Variants in GFRA1 observed in about 807,000 individuals in gnomAD.
The protein encoded by GFRA1 is GDNF family receptor alpha 1, also known as GDNF family receptor alpha-1.
In GFRA1, 16 loss-of-function variants were observed where a neutral mutation model predicts 51.6. The ratio of observed to expected loss-of-function variants is 0.31; its 90% CI spans 0.21 to 0.47. The LOEUF (loss-of-function observed/expected upper bound fraction) is 0.47, where lower values mean the gene tolerates loss of function less well. GFRA1 is among the 20% of genes least tolerant of loss of function. The probability of loss-of-function intolerance (pLI) is 1.00; values close to 1 mark genes in which losing one functional copy is unlikely to be tolerated. For synonymous variants in GFRA1, 270 were observed against 241.3 expected, an observed-to-expected ratio of 1.12 and a Z score of -1.10; for missense variants, 530 against 594.3, an observed-to-expected ratio of 0.89 and a Z score of 1.13.
In GFRA1 at chr10:116,061,805, T is replaced by C. The variant is rs1271475441; in HGVS notation, c.*2593A>G. 1.0e-5 allele frequency: 4 copies of C among 395,088 alleles called. No individual in the cohort carries two copies. Among genetic ancestry groups the C allele is most frequent in the Admixed American group, 8.8e-5 (2 of 22,626 alleles). The allele number at this position is 395,088 out of a possible 1,614,324, so 24.5% of individuals were successfully genotyped here. A position where few individuals can be genotyped will look rare whatever the true frequency, so the allele number is the denominator to read the frequency against. On this transcript the variant is annotated 3_prime_UTR_variant, in exon 11 of 11. Transcript: ENST00000355422. ...TGAGACAGGTAAATGATTTAACTTA[T>C]TGTGCTCCAGTTCTGGGGCAAATGA... is the stretch of plus-strand genomic sequence containing the variant.
Position 116,058,741 on chromosome 10 carries a change from G to C in GFRA1, c.*5657C>G, listed in dbSNP as rs138639112. 2 of 152,198 alleles carry C rather than the reference G, an allele frequency of 1.3e-5. No homozygotes were observed. Among genetic ancestry groups the C allele is most frequent in the African/African-American group, 4.8e-5 (2 of 41,438 alleles). The allele number at this position is 152,198 out of a possible 1,614,324, so 9.4% of individuals were successfully genotyped here. On this transcript the variant is annotated 3_prime_UTR_variant, in exon 11 of 11. Transcript: ENST00000355422. ...TCAGCTCCAAATGCTGGTTTATTCC[G>C]TCAGAGTACTCACTCAGTAAACGTG...
At chr10:116,201,679 G>A (rs1324000354) in intron 5 of GFRA1, among the ~76,000 whole-genome samples, 1 of 152,018 alleles carries the variant, frequency 6.6e-6, no homozygotes, top group East Asian at 1.9e-4. Context: ...ACCAGGCTTG[G>A]GTCTCCAGTG....
intron 8 of GFRA1, among the ~76,000 whole-genome samples, chr10:116,092,082 T>TATAC (rs1956363950): frequency 3.0e-5 from 4 of 132,228 alleles, no homozygotes; most frequent in Non-Finnish European, 4.9e-5. Context: ...AAAGAGGAAA[T>TATAC]ATACATACAT....
Position 116,238,291 on chromosome 10 carries a change from A to G in GFRA1, c.419-26646T>C, listed in dbSNP as rs115739845. Among the ~76,000 whole-genome samples, 1,242 of 152,150 alleles carry G rather than the reference A, an allele frequency of 8.2e-3. 21 individuals carry two copies. The highest frequency in any genetic ancestry group is 0.028 in the African/African-American group (1,174 of 41,500). On this transcript the variant is annotated intron_variant, in intron 4 of 10. Transcript: ENST00000355422. ...CCGCCTGCCAGGTAACCTCCCAGTG[A>G]CCTCGCAAGGTATCAGAAAGGTTTT... is the stretch of plus-strand genomic sequence containing the variant.
intron 4 of GFRA1, among the ~76,000 whole-genome samples, chr10:116,254,756 C>G (rs367608530): frequency 6.6e-6 from 1 of 152,188 alleles, no homozygotes; most frequent in African/African-American, 2.4e-5. Context: ...GCTGGCAATG[C>G]CTATTTTCCT....
rs1225057188 is a variant in GFRA1, at chr10:116,093,307, C to G, written c.1015+395G>C. 3.9e-5 allele frequency among the ~76,000 whole-genome samples: 6 copies of G among 152,326 alleles called. No homozygotes were observed. The East Asian group carries it at 1.2e-3, about 29-fold the overall frequency. On this transcript the variant is annotated intron_variant, in intron 8 of 10. Transcript: ENST00000355422. ...AGCTTCTCACATTGTATATTCCGCCCAGGTTTCAAGAACCTTTGGAACAGA... is the reference window on the plus strand; with the variant it reads ...AGCTTCTCACATTGTATATTCCGCCGAGGTTTCAAGAACCTTTGGAACAGA...
intron 5 of GFRA1, among the ~76,000 whole-genome samples, chr10:116,175,349 C>T (rs1390896959): frequency 1.3e-5 from 2 of 152,096 alleles, no homozygotes; most frequent in African/African-American, 4.8e-5. Context: ...TGTCTAACTA[C>T]GTCCCAGCTC....
rs559546601 is a variant in GFRA1, at chr10:116,114,984, A to C, written c.770+10237T>G. On this transcript the variant is annotated intron_variant, in intron 6 of 10. Coordinates refer to ENST00000355422, the MANE Select transcript of GFRA1 (RefSeq NM_005264.8). ...TGTCATAAGAACTAACAAAACCATA[A>C]TGCAAGCCCAGGTCTGCCTAACTCG... Among the ~76,000 whole-genome samples, 169 of 152,258 alleles carry C rather than the reference A, an allele frequency of 1.1e-3. 1 individual carries two copies. The highest frequency in any genetic ancestry group is 3.8e-3 in the African/African-American group (158 of 41,552).
At position 116,064,401 on chromosome 10, in the gene GFRA1, T is replaced by C. The variant is rs747765132; in HGVS notation, c.1395A>G (p.Ser465=). 1.2e-6 allele frequency: 2 copies of C among 1,612,076 alleles called. No homozygotes were observed. The highest frequency in any genetic ancestry group is 2.2e-5 in the South Asian group (2 of 90,966). ...LSTLLSLTET[S] The stretch of plus-strand genomic sequence containing the variant: ...ATATTGTATTTTTTTAATGCAGCTA[T>C]GATGTTTCTGTTAAAGATAATAGGG... The change falls in exon 11 of 11, where the codon TCA becomes TCG. Residue 465 remains serine (S), a synonymous_variant. Transcript: ENST00000355422.
intron 6 of GFRA1, 109 bp downstream of exon 6, chr10:116,125,112 T>A: frequency 2.1e-6 from 2 of 951,874 alleles, no homozygotes; most frequent in South Asian, 2.7e-5. Flanking sequence ...TGGGCTCCCC[T>A]CCCTCCTCTA....
At chr10:116,265,210 A>G (rs935834057) in intron 4 of GFRA1, among the ~76,000 whole-genome samples, 2 of 152,214 alleles carry the variant, frequency 1.3e-5, no homozygotes, top group African/African-American at 2.4e-5. Flanking sequence ...AGCCACTCCT[A>G]GCACTTGGTA....
Position 116,064,554 on chromosome 10 carries a change from A to G in GFRA1, c.1252-10T>C, listed in dbSNP as rs1306266498. On this transcript the variant is annotated splice_polypyrimidine_tract_variant and intron_variant, in intron 10 of 10. Transcript: ENST00000355422. ...CTTTTTCATAATTACCCTGTAAGGA[A>G]GAATGGTTTCATTATCATCCACTGC... The G allele has an allele frequency of 6.2e-7, 1 of 1,610,210 alleles. No homozygotes were observed. The highest frequency in any genetic ancestry group is 2.2e-5 in the East Asian group (1 of 44,826).
intron 5 of GFRA1, among the ~76,000 whole-genome samples, chr10:116,186,387 G>A (rs1962719288): frequency 6.6e-6 from 1 of 152,154 alleles, no homozygotes; most frequent in Middle Eastern, 3.2e-3. Flanking sequence ...CAGAGGTGGT[G>A]GCAGCTCCTA....
At chr10:116,171,887 G>A (rs1445613520) in intron 5 of GFRA1, among the ~76,000 whole-genome samples, 3 of 152,178 alleles carry the variant, frequency 2.0e-5, no homozygotes, top group Non-Finnish European at 4.4e-5. Context: ...GCTGGTATCA[G>A]TGTGGTATCA....
chr10:116,224,351 C>T (rs988657485), intron 4 of GFRA1, among the ~76,000 whole-genome samples: 8 of 151,978 alleles, frequency 5.3e-5, no homozygotes, highest in African/African-American at 1.7e-4. Context: ...GGTATATACC[C>T]GAGAGAAATG....
At chr10:116,163,833 G>A (rs1201387886) in intron 5 of GFRA1, among the ~76,000 whole-genome samples, 1 of 152,224 alleles carries the variant, frequency 6.6e-6, no homozygotes, top group Non-Finnish European at 1.5e-5. Context: ...TCATTGAGGG[G>A]TTCTAACTTG....
chr10:116,061,834 T>C lies in GFRA1; in HGVS notation c.*2564A>G. On this transcript the variant is annotated 3_prime_UTR_variant, in exon 11 of 11. Coordinates refer to ENST00000355422, the MANE Select transcript of GFRA1 (RefSeq NM_005264.8). ...GCTCCAGTTCTGGGGCAAATGATGG[T>C]GTTTTAGGGTCACCGTGTCAAACTA... 2.5e-6 allele frequency: 1 copy of C among 396,806 alleles called. No homozygotes were observed. The highest frequency in any genetic ancestry group is 4.4e-5 in the Admixed American group (1 of 22,704). The allele number at this position is 396,806 out of a possible 1,614,324, so 24.6% of individuals were successfully genotyped here.
intron 4 of GFRA1, among the ~76,000 whole-genome samples, chr10:116,237,674 C>T (rs1016041012): frequency 5.9e-5 from 9 of 152,124 alleles, no homozygotes; most frequent in African/African-American, 2.2e-4. Context: ...GCACCCACCC[C>T]CCATGGTGCC....
chr10:116,121,163 G>T (rs1283661636), intron 6 of GFRA1, among the ~76,000 whole-genome samples: 1 of 152,170 alleles, frequency 6.6e-6, no homozygotes, highest in African/African-American at 2.4e-5. Context: ...AGGAGGGAAA[G>T]TATAAGTTTA....
Sources: gnomAD v4.1 joint callset for allele counts (sites outside exome capture counted in the v4.1 genomes callset) on GRCh38, gnomAD v4.1.1 for gene constraint, MANE v1.5 for transcripts, NCBI Gene and HGNC (gene_info 2026-07-23, HGNC 2026-07-21) for gene names.